Variants in GDF5 observed in about 807,000 individuals in gnomAD.
GDF5 encodes the protein growth/differentiation factor 5.
A neutral mutation model predicts 34.6 loss-of-function variants in GDF5; 17 were observed. The ratio of observed to expected loss-of-function variants is 0.49; its 90% CI spans 0.34 to 0.74. The LOEUF (loss-of-function observed/expected upper bound fraction) is 0.74, where lower values mean the gene tolerates loss of function less well. GDF5 is among the 30% of genes least tolerant of loss of function. The pLI, the probability that GDF5 is intolerant of heterozygous loss-of-function variation, is 0.01. For missense variants in GDF5, 616 were observed against 661.2 expected (o/e 0.93, Z 0.75); for synonymous variants, 332 against 290.7 (o/e 1.14, Z -1.44).
upstream of GDF5, among the ~76,000 whole-genome samples, chr20:35,442,111 G>T (rs980138237): frequency 6.6e-6 from 1 of 152,134 alleles, no homozygotes; most frequent in African/African-American, 2.4e-5. Flanking sequence ...AAAGTGCTGA[G>T]ATTACAGGTG....
chr20:35,438,827 G>A (rs2062486923), upstream of GDF5, among the ~76,000 whole-genome samples: 14 of 21,386 alleles, frequency 6.5e-4, no homozygotes, highest in African/African-American at 1.2e-3. Context: ...TGTTATGCGT[G>A]TGTGTGTGTG....
Position 35,451,053 on chromosome 20 carries a change from A to ATATATATATAT in GDF5, c.-398+3586_-398+3587insATATATATATA, listed in dbSNP as rs2062530101. On this transcript the variant is annotated intron_variant, in intron 1 of 3. Transcript: ENST00000374372. ...ATTTTAGACTAACAGAAAAAAAAAA[A>ATATATATATAT]AAAAAAAAAAAATATATATATATAT... Among the ~76,000 whole-genome samples, 4 of 6,362 alleles carry ATATATATATAT rather than the reference A, an allele frequency of 6.3e-4. 2 individuals are homozygous for ATATATATATAT. The highest frequency in any genetic ancestry group is 3.5e-3 in the African/African-American group (4 of 1,156). 4.2% of individuals were successfully genotyped at this position (6,362 alleles called of 152,430 possible). A position where few individuals can be genotyped will look rare whatever the true frequency, so the allele number is the denominator to read the frequency against.
rs2062453528 is a variant in GDF5, at chr20:35,433,789, C to T, written c.*120G>A. On this transcript the variant is annotated 3_prime_UTR_variant, in exon 2 of 2. Transcript: ENST00000374369. ...AGAGAGCGAGCAAGCTTATTGGAAT[C>T]CCCTTTCACCCAAGCTGTGTAGATG... 5 of 874,140 alleles carry T rather than the reference C, an allele frequency of 5.7e-6. No homozygotes were observed. The highest frequency in any genetic ancestry group is 1.3e-5 in the South Asian group (1 of 75,716). The allele number at this position is 874,140 out of a possible 1,614,324, so 54.1% of individuals were successfully genotyped here.
At position 35,434,721 on chromosome 20, in the gene GDF5, CCTT is replaced by C. The variant is rs1568732204; in HGVS notation, c.691_693del (p.Lys231del). ...CGCAGCTCGGCCCCCAGCAGCCCATCCTTCTCCAGGGCACTAATGTCAAACACG... is the reference window on the plus strand; with the variant it reads ...CGCAGCTCGGCCCCCAGCAGCCCATCCTCCAGGGCACTAATGTCAAACACG... On this transcript the variant is annotated inframe_deletion, in exon 2 of 2. Coordinates refer to ENST00000374369, the MANE Select transcript of GDF5 (RefSeq NM_000557.5). 6.2e-7 allele frequency: 1 copy of C among 1,611,752 alleles called. No individual in the cohort carries two copies. Among genetic ancestry groups the C allele is most frequent in the East Asian group, 2.2e-5 (1 of 44,872 alleles).
At chr20:35,448,141 C>T (rs2146590400) in intron 1 of GDF5, among the ~76,000 whole-genome samples, 1 of 152,170 alleles carries the variant, frequency 6.6e-6, no homozygotes, top group Admixed American at 6.6e-5. Context: ...CCTCTCTAAT[C>T]ACTGGAAACC....
intron 1 of GDF5, among the ~76,000 whole-genome samples, chr20:35,445,984 A>C (rs2062512828): frequency 6.7e-6 from 1 of 150,036 alleles, no homozygotes; most frequent in Non-Finnish European, 1.5e-5. Flanking sequence ...AATAATAATA[A>C]AAATAAATAA....
chr20:35,436,223 G>A (rs533904899), intron 1 of GDF5, among the ~76,000 whole-genome samples: 10 of 152,216 alleles, frequency 6.6e-5, no homozygotes, highest in South Asian at 2.1e-4. Context: ...GGGGGCACAC[G>A]GACTTATTTT....
intron 1 of GDF5, among the ~76,000 whole-genome samples, chr20:35,451,092 T>TATATATATATACAC (rs1555824851): frequency 1.5e-5 from 2 of 133,518 alleles, no homozygotes; most frequent in Non-Finnish European, 3.3e-5. Context: ...TATATATATA[T>TATATATATATACAC]ACACAAATAT....
Position 35,434,121 on chromosome 20 carries a change from G to A in GDF5, c.1294C>T (p.Leu432=), listed in dbSNP as rs1313783172. The A allele has an allele frequency of 3.7e-6, 6 of 1,614,126 alleles. No homozygotes were observed. Among genetic ancestry groups the A allele is most frequent in the Non-Finnish European group, 5.1e-6 (6 of 1,179,976 alleles). ...TGGGAGCGCAATGGGAACTCGCACA[G>A]CCCCTCGCAGTGGAAAGCCTCGTAC... ...LEYEAFHCEG[L]CEFPLRSHLE... Residue 432 remains leucine (L), a synonymous_variant, in exon 2 of 2, where the codon CTG becomes TTG. Transcript: ENST00000374369.
intron 1 of GDF5, chr20:35,435,047 T>C: frequency 1.6e-6 from 1 of 622,576 alleles, no homozygotes; most frequent in Non-Finnish European, 3.0e-6. Context: ...TGTCATGATA[T>C]ACGTGTTATC....
At chr20:35,436,036 G>A (rs1226427125) in intron 1 of GDF5, among the ~76,000 whole-genome samples, 1 of 152,176 alleles carries the variant, frequency 6.6e-6, no homozygotes, top group Non-Finnish European at 1.5e-5. Flanking sequence ...CAGCATGTGT[G>A]TATAAACATA....
upstream of GDF5, among the ~76,000 whole-genome samples, chr20:35,438,970 T>A (rs1457483514): frequency 1.3e-5 from 2 of 151,812 alleles, no homozygotes; most frequent in African/African-American, 4.8e-5. Flanking sequence ...TTTATTTTAA[T>A]AAACTTGTGG....
chr20:35,452,997 G>C (rs1339047959), intron 1 of GDF5, among the ~76,000 whole-genome samples: 3 of 151,948 alleles, frequency 2.0e-5, no homozygotes, highest in Non-Finnish European at 4.4e-5. Flanking sequence ...TGCCTGTAAT[G>C]CCAGCATTTT....
Position 35,454,060 on chromosome 20 carries a change from T to TA in GDF5, c.-398+579dup, listed in dbSNP as rs199812733. The TA allele has an allele frequency of 4.8e-3, 2,497 of 524,828 alleles. 40 individuals are homozygous for TA. Among genetic ancestry groups the TA allele is most frequent in the African/African-American group, 0.043 (2,195 of 51,504 alleles). 32.5% of individuals were successfully genotyped at this position (524,828 alleles called of 1,614,324 possible). A position where few individuals can be genotyped will look rare whatever the true frequency, so the allele number is the denominator to read the frequency against. On this transcript the variant is annotated intron_variant, in intron 1 of 3. Coordinates refer to the GDF5 transcript ENST00000374372. ...GGGGTGGAAACCAAGAGTCTGCATT[T>TA]ACCAGTTTTGTTTTTAATTCCTACT... is the stretch of plus-strand genomic sequence containing the variant.
At chr20:35,444,978 C>T (rs1173802828) in intron 1 of GDF5, among the ~76,000 whole-genome samples, 2 of 152,166 alleles carry the variant, frequency 1.3e-5, no homozygotes, top group Admixed American at 1.3e-4. Context: ...AGGTGATCCA[C>T]CCGCCTCAGC....
rs762641295 is a variant in GDF5, at chr20:35,438,090, G to C, written c.-162C>G. ...TTCTCCTCAGTCTGAGACTCTTGAAGTCTGCCGGGTGTGTGTTTGTATCCA... is the reference window on the plus strand; with the variant it reads ...TTCTCCTCAGTCTGAGACTCTTGAACTCTGCCGGGTGTGTGTTTGTATCCA... On this transcript the variant is annotated 5_prime_UTR_variant, in exon 1 of 2. Transcript: ENST00000374369. The C allele has an allele frequency of 7.8e-6, 6 of 773,346 alleles. No individual in the cohort carries two copies. The highest frequency in any genetic ancestry group is 1.7e-5 in the African/African-American group (1 of 57,684). 47.9% of individuals were successfully genotyped at this position (773,346 alleles called of 1,614,324 possible).
chr20:35,436,775 T>A (rs949061044), intron 1 of GDF5, among the ~76,000 whole-genome samples: 1 of 152,146 alleles, frequency 6.6e-6, no homozygotes, highest in Non-Finnish European at 1.5e-5. Flanking sequence ...GTCTGCTCCC[T>A]CCCCATGTAT....
At chr20:35,440,001 C>G (rs2146585711), upstream of GDF5, among the ~76,000 whole-genome samples, 1 of 135,514 alleles carries the variant, frequency 7.4e-6, no homozygotes, top group South Asian at 2.5e-4. Flanking sequence ...ACTGTAATCT[C>G]CACCTCCTGG....
At chr20:35,451,764 G>A (rs1281046035) in intron 1 of GDF5, among the ~76,000 whole-genome samples, 1 of 151,752 alleles carries the variant, frequency 6.6e-6, no homozygotes, top group Non-Finnish European at 1.5e-5. Context: ...CAACTCCTGG[G>A]CCCAAGTGAT....
Sources: gnomAD v4.1 joint callset for allele counts (sites outside exome capture counted in the v4.1 genomes callset) on GRCh38, gnomAD v4.1.1 for gene constraint, MANE v1.5 for transcripts, NCBI Gene and HGNC (gene_info 2026-07-23, HGNC 2026-07-21) for gene names.